The following ITPR2 variants were observed in gnomAD, a reference collection of about 807,000 sequenced individuals.
The protein encoded by ITPR2 is inositol 1,4,5-trisphosphate receptor type 2, also known as inositol 1,4,5-trisphosphate-gated calcium channel ITPR2.
Under a neutral mutation model 317.1 loss-of-function variants are expected in ITPR2, and 207 were observed. That is an observed-to-expected ratio of 0.65 (90% CI 0.58 to 0.73). The LOEUF is 0.73. ITPR2 is among the 30% of genes least tolerant of loss of function. The pLI, the probability that ITPR2 is intolerant of heterozygous loss-of-function variation, is 0.00. For synonymous variants in ITPR2, 1,156 were observed against 1,149.1 expected (o/e 1.01, Z -0.12); for missense variants, 2,613 against 3,284.0 (o/e 0.80, Z 4.99).
Position 26,371,595 on chromosome 12 carries a change from T to G in ITPR2, c.7857+15839A>C, listed in dbSNP as rs116703597. On this transcript the variant is annotated intron_variant, in intron 55 of 56. Transcript: ENST00000381340. Reference sequence around the variant, plus strand: ...TGGCCACAAAAGGAAGATTTTATTTTCTGAAGATAAGCATTCCAGGTGAAG... The same window carrying G: ...TGGCCACAAAAGGAAGATTTTATTTGCTGAAGATAAGCATTCCAGGTGAAG... Among the ~76,000 whole-genome samples, 409 of 152,332 alleles carry G rather than the reference T, an allele frequency of 2.7e-3. 4 individuals carry two copies. The highest frequency in any genetic ancestry group is 9.7e-3 in the African/African-American group (402 of 41,556).
At chr12:26,832,160 T>C (rs1225184206) in intron 1 of ITPR2, among the ~76,000 whole-genome samples, 1 of 152,000 alleles carries the variant, frequency 6.6e-6, no homozygotes, top group Non-Finnish European at 1.5e-5. Context: ...AGGAAACTGC[T>C]CCAGCGAAGA....
chr12:26,812,419 A>G (rs894329490), intron 1 of ITPR2, among the ~76,000 whole-genome samples: 1 of 151,696 alleles, frequency 6.6e-6, no homozygotes, highest in Non-Finnish European at 1.5e-5. Flanking sequence ...TCTACTAAAA[A>G]TACAAACAAA....
intron 9 of ITPR2, among the ~76,000 whole-genome samples, chr12:26,702,602 T>C (rs934012131): frequency 6.6e-6 from 1 of 151,550 alleles, no homozygotes; most frequent in Non-Finnish European, 1.5e-5. Flanking sequence ...CCATGCCCGG[T>C]TTATTTTTGT....
intron 34 of ITPR2, among the ~76,000 whole-genome samples, chr12:26,568,117 T>C (rs1292655545): frequency 6.7e-6 from 1 of 149,714 alleles, no homozygotes; most frequent in Non-Finnish European, 1.5e-5. Context: ...GAAGAGCTAA[T>C]AAATTTACTA....
chr12:26,695,169 G>A (rs1948315927), intron 10 of ITPR2, among the ~76,000 whole-genome samples: 1 of 152,148 alleles, frequency 6.6e-6, no homozygotes, highest in Non-Finnish European at 1.5e-5. Flanking sequence ...AAAATATCTA[G>A]TTAAATTGCT....
intron 34 of ITPR2, among the ~76,000 whole-genome samples, chr12:26,578,043 T>A (rs1313499700): frequency 2.0e-5 from 3 of 152,186 alleles, no homozygotes; most frequent in Non-Finnish European, 4.4e-5. Flanking sequence ...CCTTTCCCAA[T>A]GTCTGCAGAG....
At chr12:26,396,680 A>G (rs1000248809) in intron 54 of ITPR2, among the ~76,000 whole-genome samples, 4 of 152,216 alleles carry the variant, frequency 2.6e-5, no homozygotes, top group African/African-American at 9.6e-5. Context: ...CCCCAGTTAT[A>G]GTCTCCAGCG....
chr12:26,428,178 A>G, intron 48 of ITPR2, 90 bp from the exon 49 acceptor site: 1 of 921,730 alleles, frequency 1.1e-6, no homozygotes. Flanking sequence ...GGTATCATTA[A>G]GTCAAAGCCA....
intron 37 of ITPR2, among the ~76,000 whole-genome samples, chr12:26,526,622 T>C (rs538305075): frequency 6.6e-5 from 10 of 152,274 alleles, no homozygotes; most frequent in Admixed American, 1.3e-4. Context: ...TTACAACTGT[T>C]ACTCTATGAA....
At chr12:26,721,928 C>A (rs17480623) in intron 5 of ITPR2, among the ~76,000 whole-genome samples, 24,376 of 152,124 alleles carry the variant, frequency 0.16, 2,703 homozygotes, top group Non-Finnish European at 0.24. Context: ...CAGATGCCAA[C>A]CTTCAGCTCC....
chr12:26,520,817 C>T (rs893893683), intron 37 of ITPR2, among the ~76,000 whole-genome samples: 1 of 152,112 alleles, frequency 6.6e-6, no homozygotes, highest in Non-Finnish European at 1.5e-5. Flanking sequence ...TAAGCACATA[C>T]TATATCTATA....
Position 26,644,357 on chromosome 12 carries a change from T to A in ITPR2, c.2740+9619A>T, listed in dbSNP as rs562819668. ...GATTTCAAAGGATGCCCTGGTGAGCTGTGGGGCCCAGGCAATAGAAAGCAC... is the reference window on the plus strand; with the variant it reads ...GATTTCAAAGGATGCCCTGGTGAGCAGTGGGGCCCAGGCAATAGAAAGCAC... On this transcript the variant is annotated intron_variant, in intron 21 of 56. Transcript: ENST00000381340. Among the ~76,000 whole-genome samples the A allele has an allele frequency of 3.3e-5, 5 of 152,270 alleles. No individual in the cohort carries two copies. In the South Asian group the frequency reaches 1.0e-3, roughly 32 times the overall value.
chr12:26,389,159 C>T, intron 54 of ITPR2, among the ~76,000 whole-genome samples: 1 of 152,122 alleles, frequency 6.6e-6, no homozygotes, highest in South Asian at 2.1e-4. Context: ...CTCTCCACAG[C>T]CCATTCTCAA....
rs149722414 is a variant in ITPR2, at chr12:26,595,464, C to G, written c.4380+1G>C. Reference sequence around the variant, plus strand: ...CCTTCAGTAGTCAAAATCTAACTTACCCTTGCCATATCCACCAAGAAGTTC... The same window carrying G: ...CCTTCAGTAGTCAAAATCTAACTTAGCCTTGCCATATCCACCAAGAAGTTC... On this transcript the variant is annotated splice_donor_variant, in intron 32 of 56. Transcript: ENST00000381340. LOFTEE classifies it high-confidence loss of function. 2.5e-6 allele frequency: 4 copies of G among 1,605,346 alleles called. No individual in the cohort carries two copies. The highest frequency in any genetic ancestry group is 3.4e-6 in the Non-Finnish European group (4 of 1,177,682).
At chr12:26,741,460 CAT>C (rs1275175364) in intron 2 of ITPR2, among the ~76,000 whole-genome samples, 1 of 152,170 alleles carries the variant, frequency 6.6e-6, no homozygotes, top group Non-Finnish European at 1.5e-5. Flanking sequence ...GTTTTATACA[CAT>C]GTTTTATAAA....
intron 55 of ITPR2, among the ~76,000 whole-genome samples, chr12:26,352,284 G>C (rs1395199578): frequency 2.0e-5 from 3 of 152,248 alleles, no homozygotes; most frequent in African/African-American, 7.2e-5. Flanking sequence ...ATTCACGGTA[G>C]TTGGAGAGGT....
chr12:26,797,434 C>T (rs1950467851), intron 1 of ITPR2, among the ~76,000 whole-genome samples: 1 of 152,116 alleles, frequency 6.6e-6, no homozygotes, highest in Non-Finnish European at 1.5e-5. Flanking sequence ...GCCATAAATG[C>T]TATTTCCATC....
intron 51 of ITPR2, among the ~76,000 whole-genome samples, chr12:26,412,028 A>G (rs1225121987): frequency 6.6e-6 from 1 of 152,228 alleles, no homozygotes; most frequent in African/African-American, 2.4e-5. Flanking sequence ...TATTTGTATG[A>G]AACAACGTTT....
At chr12:26,365,052 T>C (rs1938963722) in intron 55 of ITPR2, among the ~76,000 whole-genome samples, 1 of 152,184 alleles carries the variant, frequency 6.6e-6, no homozygotes, top group South Asian at 2.1e-4. Flanking sequence ...ATAACGATAA[T>C]GAACATGAAT....
Sources: allele counts gnomAD v4.1 joint callset (sites outside exome capture counted in the v4.1 genomes callset), GRCh38; gene constraint gnomAD v4.1.1; transcripts MANE v1.5; gene names NCBI Gene and HGNC (gene_info 2026-07-23, HGNC 2026-07-21).